The following MAP3K13 variants were observed in gnomAD, a reference collection of about 807,000 sequenced individuals.
MAP3K13 encodes mitogen-activated protein kinase kinase kinase 13.
In MAP3K13, 52 loss-of-function variants were observed where a neutral mutation model predicts 104.0. The ratio of observed to expected loss-of-function variants is 0.50; its 90% CI spans 0.40 to 0.63. The LOEUF is 0.63. Among genes scored for constraint, MAP3K13 ranks in the 20% least tolerant of loss-of-function variants. The pLI is 0.00. For missense variants in MAP3K13, 914 were observed against 1,218.5 expected (o/e 0.75, Z 3.72); for synonymous variants, 394 against 442.2 (o/e 0.89, Z 1.37).
At chr3:185,457,874 A>C (rs1258284572) in intron 7 of MAP3K13, among the ~76,000 whole-genome samples, 1 of 152,132 alleles carries the variant, frequency 6.6e-6, no homozygotes, top group African/African-American at 2.4e-5. Context: ...ATAGTAAGAG[A>C]CCTTTAGTCT....
chr3:185,296,150 G>A (rs144048506), intron 2 of MAP3K13, among the ~76,000 whole-genome samples: 1 of 152,158 alleles, frequency 6.6e-6, no homozygotes, highest in Non-Finnish European at 1.5e-5. Context: ...AGGCTGAGGT[G>A]GAAGGATTGC....
intron 7 of MAP3K13, among the ~76,000 whole-genome samples, chr3:185,461,305 A>C (rs1216692468): frequency 2.6e-5 from 4 of 152,186 alleles, no homozygotes; most frequent in Non-Finnish European, 5.9e-5. Flanking sequence ...GCTGCCTGAA[A>C]GTCAACCAAC....
intron 1 of MAP3K13, among the ~76,000 whole-genome samples, chr3:185,380,509 CA>C (rs564011110): frequency 0.24 from 20,453 of 85,426 alleles, 1,440 homozygotes; most frequent in Non-Finnish European, 0.27. Context: ...GACTCCATCT[CA>C]AAAAAAAAAA....
At chr3:185,364,005 G>T (rs189497575) in intron 1 of MAP3K13, among the ~76,000 whole-genome samples, 1 of 152,276 alleles carries the variant, frequency 6.6e-6, no homozygotes, top group East Asian at 1.9e-4. Context: ...AGCTGCATTC[G>T]AGGGAAAGGG....
intron 1 of MAP3K13, among the ~76,000 whole-genome samples, chr3:185,404,262 A>G (rs766657342): frequency 6.6e-6 from 1 of 152,256 alleles, no homozygotes; most frequent in Non-Finnish European, 1.5e-5. Flanking sequence ...ACAAAAGATC[A>G]AGGAAACAAA....
intron 7 of MAP3K13, among the ~76,000 whole-genome samples, chr3:185,455,660 ATATATAT>A (rs1220206952): frequency 1.4e-4 from 4 of 28,314 alleles, no homozygotes; most frequent in Non-Finnish European, 3.7e-4. Context: ...TATATATGAT[ATATATAT>A]GATATATATA....
chr3:185,395,363 T>C (rs1331370321), intron 1 of MAP3K13, among the ~76,000 whole-genome samples: 1 of 73,308 alleles, frequency 1.4e-5, no homozygotes, highest in Non-Finnish European at 2.6e-5. Context: ...ATTTCTTTTT[T>C]TTTTTTTTTT....
At chr3:185,299,046 A>G (rs1721010280) in intron 2 of MAP3K13, among the ~76,000 whole-genome samples, 1 of 152,198 alleles carries the variant, frequency 6.6e-6, no homozygotes, top group Non-Finnish European at 1.5e-5. Context: ...AAATGCTGAA[A>G]ATTTTGCTTC....
At chr3:185,462,950 G>A (rs945941351) in intron 7 of MAP3K13, among the ~76,000 whole-genome samples, 2 of 152,038 alleles carry the variant, frequency 1.3e-5, no homozygotes, top group African/African-American at 2.4e-5. Context: ...CTACTAGATT[G>A]CTTGGCCATA....
chr3:185,346,962 C>T (rs767306641), intron 2 of MAP3K13, among the ~76,000 whole-genome samples: 13 of 148,958 alleles, frequency 8.7e-5, no homozygotes, highest in Admixed American at 3.4e-4. Flanking sequence ...TACTTTTGAA[C>T]TGAGGTGTTC....
At chr3:185,454,628 T>TATATG in intron 7 of MAP3K13, among the ~76,000 whole-genome samples, 1 of 52,268 alleles carries the variant, frequency 1.9e-5, no homozygotes, top group Admixed American at 3.1e-4. Context: ...ATATATGAGA[T>TATATG]ATATATATGA....
intron 7 of MAP3K13, 58 bp from the exon 8 acceptor site, chr3:185,463,492 G>A: frequency 1.0e-6 from 1 of 971,916 alleles, no homozygotes. Flanking sequence ...TGACTTTATG[G>A]ATATATCAGG....
At chr3:185,410,994 G>A (rs910102523) in intron 1 of MAP3K13, among the ~76,000 whole-genome samples, 2 of 150,834 alleles carry the variant, frequency 1.3e-5, no homozygotes, top group Admixed American at 1.3e-4. Context: ...ATTAAGAGAA[G>A]TAAGTGATGT....
intron 11 of MAP3K13, among the ~76,000 whole-genome samples, chr3:185,474,397 C>T (rs1391591574): frequency 1.3e-5 from 2 of 152,148 alleles, no homozygotes; most frequent in African/African-American, 4.8e-5. Context: ...TACTATGCTA[C>T]AGCTCTAGTC....
intron 7 of MAP3K13, among the ~76,000 whole-genome samples, chr3:185,462,867 T>C (rs971788730): frequency 6.6e-6 from 1 of 152,204 alleles, no homozygotes; most frequent in Non-Finnish European, 1.5e-5. Context: ...TTAGAAAATT[T>C]AAAGAAGTTT....
intron 1 of MAP3K13, among the ~76,000 whole-genome samples, chr3:185,376,240 G>T (rs1052438839): frequency 4.0e-5 from 6 of 150,642 alleles, no homozygotes. Context: ...AACTGTGGGA[G>T]ACTCAACAAA....
chr3:185,425,798 G>A (rs1190231967), intron 1 of MAP3K13, among the ~76,000 whole-genome samples: 3 of 152,120 alleles, frequency 2.0e-5, no homozygotes, highest in African/African-American at 7.2e-5. Flanking sequence ...CACCCCTCAA[G>A]ACTCAATTCA....
chr3:185,477,386 C>T lies in MAP3K13; in HGVS notation c.2491C>T (p.Arg831Ter). 2.5e-6 allele frequency: 4 copies of T among 1,612,070 alleles called. No homozygotes were observed. The highest frequency in any genetic ancestry group is 3.4e-6 in the Non-Finnish European group (4 of 1,178,200). The stretch of plus-strand genomic sequence containing the variant: ...AGTAGATAGTGAAGTTGAATTTCCA[C>T]GAAGACAGAGGTAAAACCAACAAAT... ...GEVDSEVEFP[R>*]RQRPHRCISS... The change falls in exon 12 of 14, where the codon CGA becomes TGA. Residue 831 changes from arginine (R) to a stop codon, truncating the protein, a stop_gained. Coordinates refer to ENST00000265026, the MANE Select transcript of MAP3K13 (RefSeq NM_004721.5). LOFTEE classifies it high-confidence loss of function.
rs1019322173 is a variant in MAP3K13 at position 185,387,893 on chromosome 3, A to G, written c.-86+24525A>G. On this transcript the variant is annotated intron_variant, in intron 1 of 13. Coordinates refer to ENST00000265026, the MANE Select transcript of MAP3K13 (RefSeq NM_004721.5). ...CAGATTTTTCCTCTTTGCAGATAAC[A>G]TGCTCTTATATATAGAAAATCCTAA... Among the ~76,000 whole-genome samples, 30 of 152,194 alleles carry G rather than the reference A, an allele frequency of 2.0e-4. 1 individual carries two copies.
Sources: gnomAD v4.1 joint callset for allele counts (sites outside exome capture counted in the v4.1 genomes callset) on GRCh38, gnomAD v4.1.1 for gene constraint, MANE v1.5 for transcripts, NCBI Gene and HGNC (gene_info 2026-07-23, HGNC 2026-07-21) for gene names.